ANKRD28: variants seen among roughly 807,000 people sequenced by gnomAD.
The protein encoded by ANKRD28 is serine/threonine-protein phosphatase 6 regulatory ankyrin repeat subunit A.
In ANKRD28, 44 loss-of-function variants were observed where a neutral mutation model predicts 126.5. That is an observed-to-expected ratio of 0.35 (90% CI 0.27 to 0.45). The LOEUF (loss-of-function observed/expected upper bound fraction) is 0.45, where lower values mean the gene tolerates loss of function less well. Ranked by LOEUF, ANKRD28 falls within the 20% of genes least tolerant of loss-of-function variation. The pLI, the probability that ANKRD28 is intolerant of heterozygous loss-of-function variation, is 1.00. For missense variants in ANKRD28, 1,110 were observed against 1,316.6 expected (o/e 0.84, Z 2.43); for synonymous variants, 442 against 468.5 (o/e 0.94, Z 0.73).
At chr3:15,728,666 T>C (rs1391063899) in intron 6 of ANKRD28, among the ~76,000 whole-genome samples, 3 of 152,218 alleles carry the variant, frequency 2.0e-5, no homozygotes, top group Non-Finnish European at 4.4e-5. Flanking sequence ...ATTTACTCTG[T>C]TGTGGTAGTT....
At chr3:15,735,257 C>A (rs996770480) in intron 6 of ANKRD28, among the ~76,000 whole-genome samples, 153 bp downstream of exon 6, 18 of 152,138 alleles carry the variant, frequency 1.2e-4, no homozygotes, top group African/African-American at 4.1e-4. Context: ...AAACCTCCCC[C>A]ATTACCAGGG....
At chr3:15,850,874 AAAC>A (rs2061637492) in intron 1 of ANKRD28, among the ~76,000 whole-genome samples, 1 of 152,186 alleles carries the variant, frequency 6.6e-6, no homozygotes. Context: ...AGCCCAAGTA[AAAC>A]AACTTGGGGC....
At chr3:15,744,067 AATAAGT>A (rs2125270088) in intron 4 of ANKRD28, among the ~76,000 whole-genome samples, 1 of 152,356 alleles carries the variant, frequency 6.6e-6, no homozygotes, top group Admixed American at 6.5e-5. Context: ...TGTTAAATGT[AATAAGT>A]ATAGCTACTT....
chr3:15,791,729 C>A (rs1265557494), intron 2 of ANKRD28, among the ~76,000 whole-genome samples: 2 of 152,050 alleles, frequency 1.3e-5, no homozygotes, highest in African/African-American at 4.8e-5. Context: ...CACAGGCAAC[C>A]AAAGCAAACA....
At chr3:15,729,620 T>C (rs1409964799) in intron 6 of ANKRD28, among the ~76,000 whole-genome samples, 7 of 152,176 alleles carry the variant, frequency 4.6e-5, no homozygotes, top group Non-Finnish European at 8.8e-5. Flanking sequence ...GCTCGTGATG[T>C]CATTTTAAAA....
chr3:15,715,033 G>A lies in ANKRD28; in HGVS notation c.997-377C>T, dbSNP rs553576386. ...GAATTAACTTCGTGAATTTTGTGTG[G>A]ATACATTTAAAAAAATAAATACAAA... On this transcript the variant is annotated intron_variant, in intron 8 of 27. Coordinates refer to ENST00000683139, the MANE Select transcript of ANKRD28 (RefSeq NM_001349278.2). Among the ~76,000 whole-genome samples, 18 of 151,972 alleles carry A rather than the reference G, an allele frequency of 1.2e-4. 1 individual carries two copies. The South Asian group carries it at 3.7e-3, about 32-fold the overall frequency.
At chr3:15,762,214 C>CAAAAAAA (rs778300634) in intron 3 of ANKRD28, among the ~76,000 whole-genome samples, 2 of 52,564 alleles carry the variant, frequency 3.8e-5, no homozygotes, top group East Asian at 2.8e-4. Flanking sequence ...AAAAAAAAAA[C>CAAAAAAA]AAAACAAAAA....
chr3:15,775,675 G>T (rs1360442679), intron 2 of ANKRD28, among the ~76,000 whole-genome samples: 1 of 152,112 alleles, frequency 6.6e-6, no homozygotes, highest in Non-Finnish European at 1.5e-5. Context: ...ACAAAAAAGG[G>T]TACAGATGAA....
intron 3 of ANKRD28, among the ~76,000 whole-genome samples, chr3:15,752,369 G>C (rs554943069): frequency 6.6e-6 from 1 of 152,076 alleles, no homozygotes; most frequent in African/African-American, 2.4e-5. Context: ...TGTCTTTCTA[G>C]GTTATACCTA....
intron 1 of ANKRD28, among the ~76,000 whole-genome samples, chr3:15,818,862 C>A (rs1222325297): frequency 6.6e-6 from 1 of 152,088 alleles, no homozygotes; most frequent in Non-Finnish European, 1.5e-5. Flanking sequence ...CAGTCAAAAT[C>A]TCAGTGGGCT....
chr3:15,708,046 A>C lies in ANKRD28; in HGVS notation c.1425T>G (p.Ala475=), dbSNP rs573608583. The change falls in exon 14 of 28, where the codon GCT becomes GCG. Residue 475 remains alanine (A), a synonymous_variant. Transcript: ENST00000683139. ...DKFGRSPLHY[A]AANCNYQCLF... ...GGCACTGGTAATTGCAGTTGGCAGCAGCGTAGTGCAGTGGAGATCTTTTGG... is the reference window on the plus strand; with the variant it reads ...GGCACTGGTAATTGCAGTTGGCAGCCGCGTAGTGCAGTGGAGATCTTTTGG... The C allele has an allele frequency of 6.2e-7, 1 of 1,606,464 alleles. No individual in the cohort carries two copies. The highest frequency in any genetic ancestry group is 1.3e-5 in the African/African-American group (1 of 74,848).
chr3:15,677,328 G>T (rs2067047498), intron 25 of ANKRD28, among the ~76,000 whole-genome samples, 152 bp downstream of exon 25: 1 of 152,124 alleles, frequency 6.6e-6, no homozygotes, highest in African/African-American at 2.4e-5. Flanking sequence ...ATACGCCATG[G>T]TGCCTTATAA....
chr3:15,676,054 T>TGGCTGTC, intron 26 of ANKRD28, 65 bp from the exon 27 acceptor site: 2 of 1,356,844 alleles, frequency 1.5e-6, no homozygotes, highest in Non-Finnish European at 2.0e-6. Context: ...CATACACACC[T>TGGCTGTC]GGCTGTCAAA....
intron 14 of ANKRD28, among the ~76,000 whole-genome samples, chr3:15,699,466 T>C (rs893573362): frequency 1.3e-5 from 2 of 152,150 alleles, no homozygotes; most frequent in Admixed American, 1.3e-4. Flanking sequence ...ATCTACAGAA[T>C]GGGAGAAAAT....
At chr3:15,720,293 T>C (rs928130676) in intron 8 of ANKRD28, among the ~76,000 whole-genome samples, 1 of 152,218 alleles carries the variant, frequency 6.6e-6, no homozygotes, top group Non-Finnish European at 1.5e-5. Flanking sequence ...CTGTAAAATT[T>C]GAAAAGATCT....
At position 15,797,201 on chromosome 3, in the gene ANKRD28, AACAAAAAC is replaced by A. The variant is rs1429700258; in HGVS notation, c.-688_-681del. 19 of 922,964 alleles carry A rather than the reference AACAAAAAC, an allele frequency of 2.1e-5. No homozygotes were observed. Among genetic ancestry groups the A allele is most frequent in the Middle Eastern group, 5.5e-4 (1 of 1,810 alleles). The allele number at this position is 922,964 out of a possible 1,614,324, so 57.2% of individuals were successfully genotyped here. A position where few individuals can be genotyped will look rare whatever the true frequency, so the allele number is the denominator to read the frequency against. ...TTCAGTGTTTGGGAAAGGGGCAAAA[AACAAAAAC>A]AAAAAAAAAAAAACCACTCTGCATT... On this transcript the variant is annotated 5_prime_UTR_variant, in exon 1 of 28. An upstream open reading frame in the 5' UTR loses its in-frame stop. Transcript: ENST00000683139.
intron 14 of ANKRD28, among the ~76,000 whole-genome samples, chr3:15,698,106 C>T (rs1022016793): frequency 1.3e-5 from 2 of 152,094 alleles, no homozygotes; most frequent in African/African-American, 2.4e-5. Flanking sequence ...TTTGAATCTT[C>T]TCTTTTCTTC....
intron 2 of ANKRD28, among the ~76,000 whole-genome samples, chr3:15,774,752 G>C (rs565120274): frequency 6.6e-6 from 1 of 152,262 alleles, no homozygotes; most frequent in East Asian, 1.9e-4. Context: ...AGACAAGTTT[G>C]AATGGGAGAA....
chr3:15,712,142 G>C lies in ANKRD28; in HGVS notation c.1271C>G (p.Ser424Ter). ...FSDCCRKLLS[S>*]GFDIDTPDDF... ...AAGGCTGCAAAGGTTACACTTACCTGAAGAAAGAAGTTTTCTGCAGCAATC... is the reference window on the plus strand; with the variant it reads ...AAGGCTGCAAAGGTTACACTTACCTCAAGAAAGAAGTTTTCTGCAGCAATC... Residue 424 changes from serine (S) to a stop codon, truncating the protein, a stop_gained and splice_region_variant, in exon 11 of 28, where the codon TCA (serine) becomes TGA (stop). Transcript: ENST00000683139. LOFTEE classifies it high-confidence loss of function. The C allele has an allele frequency of 6.4e-7, 1 of 1,571,540 alleles. No homozygotes were observed. Among genetic ancestry groups the C allele is most frequent in the Non-Finnish European group, 8.6e-7 (1 of 1,157,636 alleles).
Sources: allele counts gnomAD v4.1 joint callset (sites outside exome capture counted in the v4.1 genomes callset), GRCh38; gene constraint gnomAD v4.1.1; transcripts MANE v1.5; gene names NCBI Gene and HGNC (gene_info 2026-07-23, HGNC 2026-07-21).